The following SORBS2 variants were observed in gnomAD, a reference collection of about 807,000 sequenced individuals.
The protein encoded by SORBS2 is sorbin and SH3 domain containing 2, also known as sorbin and SH3 domain-containing protein 2.
In SORBS2, 46 loss-of-function variants were observed where a neutral mutation model predicts 97.7. The observed-to-expected ratio is 0.47, with a 90% CI of 0.37 to 0.60. SORBS2 has a LOEUF of 0.60. SORBS2 is among the 20% of genes least tolerant of loss of function. The pLI is 0.00. For missense variants in SORBS2, 1,316 were observed against 1,282.3 expected, an observed-to-expected ratio of 1.03 and a Z score of -0.40; for synonymous variants, 476 against 473.4, an observed-to-expected ratio of 1.01 and a Z score of -0.07.
At chr4:185,868,484 C>T (rs1053885980) in intron 1 of SORBS2, among the ~76,000 whole-genome samples, 4 of 152,042 alleles carry the variant, frequency 2.6e-5, no homozygotes, top group Non-Finnish European at 4.4e-5. Context: ...AAAGACACCC[C>T]AGCTCCTAAA....
chr4:185,803,247 C>T (rs998946278), intron 1 of SORBS2, among the ~76,000 whole-genome samples: 1 of 152,100 alleles, frequency 6.6e-6, no homozygotes, highest in South Asian at 2.1e-4. Flanking sequence ...CAGAACATTC[C>T]CCAGGAAACA....
upstream of SORBS2, among the ~76,000 whole-genome samples, chr4:185,660,369 T>C (rs2097496976): frequency 6.6e-6 from 1 of 152,202 alleles, no homozygotes; most frequent in Non-Finnish European, 1.5e-5. Flanking sequence ...TTAAACAATC[T>C]AGATATAATG....
At position 185,762,674 on chromosome 4, in the gene SORBS2, C is replaced by A. The variant is rs142958899; in HGVS notation, c.-198+12553G>T. On this transcript the variant is annotated intron_variant, in intron 2 of 20. Transcript: ENST00000284776. ...TTGTCTCCACATTTGTTTCCAATAC[C>A]GCTTTATGTTAATTATGTAATATCT... Among the ~76,000 whole-genome samples the A allele has an allele frequency of 3.2e-3, 487 of 152,236 alleles. 3 individuals carry two copies. Among genetic ancestry groups the A allele is most frequent in the African/African-American group, 0.01 (436 of 41,538 alleles).
At chr4:185,934,849 A>G (rs1437517084) in intron 1 of SORBS2, among the ~76,000 whole-genome samples, 1 of 151,978 alleles carries the variant, frequency 6.6e-6, no homozygotes, top group Non-Finnish European at 1.5e-5. Flanking sequence ...CAGATACTCA[A>G]GACGGGGTCT....
At chr4:185,797,692 G>C (rs2099111615) in intron 1 of SORBS2, among the ~76,000 whole-genome samples, 1 of 152,176 alleles carries the variant, frequency 6.6e-6, no homozygotes, top group Admixed American at 6.5e-5. Context: ...CCAGGAGCCT[G>C]TTCCCCAAGA....
At chr4:185,661,495 T>G (rs908035989), upstream of SORBS2, among the ~76,000 whole-genome samples, 1 of 152,108 alleles carries the variant, frequency 6.6e-6, no homozygotes, top group East Asian at 1.9e-4. Context: ...GAATTCCTAG[T>G]CCTCAGAGGG....
chr4:185,857,740 T>C (rs901118773), intron 1 of SORBS2, among the ~76,000 whole-genome samples: 12 of 152,174 alleles, frequency 7.9e-5, no homozygotes, highest in Admixed American at 6.5e-4. Flanking sequence ...GTGTCTGTCT[T>C]ATACGGTTGA....
intron 12 of SORBS2, among the ~76,000 whole-genome samples, chr4:185,595,433 G>T (rs1166348125): frequency 4.6e-5 from 7 of 151,790 alleles, no homozygotes; most frequent in Non-Finnish European, 7.4e-5. Flanking sequence ...CATCTTAAAG[G>T]TCATTTAATT....
chr4:185,856,327 C>T (rs533294913), intron 1 of SORBS2, among the ~76,000 whole-genome samples: 1 of 152,178 alleles, frequency 6.6e-6, no homozygotes, highest in East Asian at 1.9e-4. Flanking sequence ...TTAGGTAAAA[C>T]CCCAAGAATA....
At chr4:185,934,210 A>G (rs6552938) in intron 1 of SORBS2, among the ~76,000 whole-genome samples, 116,762 of 152,074 alleles carry the variant, frequency 0.77, 44,901 homozygotes, top group Middle Eastern at 0.86. Context: ...ATAACAATCT[A>G]GAGGACAAGA....
At chr4:185,812,927 T>C (rs1362632221) in intron 1 of SORBS2, 2 of 152,242 alleles carry the variant, frequency 1.3e-5, no homozygotes, top group African/African-American at 2.4e-5. Flanking sequence ...TAATTAAAAA[T>C]TCTTTGACTT....
chr4:185,731,832 TTCTCTCTCTCTCTCTCTC>T (rs1201714307), intron 2 of SORBS2, among the ~76,000 whole-genome samples: 1 of 33,294 alleles, frequency 3.0e-5, no homozygotes, highest in African/African-American at 1.2e-4. Flanking sequence ...GTCTCTCTCT[TTCTCTCTCTCTCTCTCTC>T]TCTCTCTCTC....
intron 12 of SORBS2, among the ~76,000 whole-genome samples, chr4:185,595,751 T>G (rs2096069580): frequency 6.7e-6 from 1 of 149,152 alleles, no homozygotes; most frequent in Non-Finnish European, 1.5e-5. Flanking sequence ...GTTTTGAAGT[T>G]AGAATTGGTC....
At chr4:185,731,866 C>A (rs36128838) in intron 2 of SORBS2, among the ~76,000 whole-genome samples, 302 of 24,432 alleles carry the variant, frequency 0.012, 2 homozygotes, top group Non-Finnish European at 0.014. Context: ...CTCTCTCTCT[C>A]TATATATATA....
intron 1 of SORBS2, among the ~76,000 whole-genome samples, chr4:185,894,641 G>C (rs1331375962): frequency 6.6e-6 from 1 of 152,136 alleles, no homozygotes; most frequent in Non-Finnish European, 1.5e-5. Flanking sequence ...TTGCTGCACT[G>C]TCAGAATCAA....
At chr4:185,651,762 C>A (rs751747560) in intron 2 of SORBS2, 22 bp downstream of exon 11, 1 of 1,391,870 alleles carries the variant, frequency 7.2e-7, no homozygotes, top group Non-Finnish European at 1.0e-6. Flanking sequence ...ATAGTCATTG[C>A]GAGCAAGGAA....
chr4:185,632,614 T>C (rs1219703634), intron 4 of SORBS2, among the ~76,000 whole-genome samples: 1 of 152,220 alleles, frequency 6.6e-6, no homozygotes, highest in Non-Finnish European at 1.5e-5. Context: ...TCTGTGCAGA[T>C]CACGGCTTTC....
At chr4:185,789,426 T>C (rs987879087) in intron 1 of SORBS2, among the ~76,000 whole-genome samples, 2 of 151,962 alleles carry the variant, frequency 1.3e-5, no homozygotes, top group South Asian at 4.2e-4. Flanking sequence ...GTCATAACAA[T>C]TTTATTATTT....
intron 9 of SORBS2, among the ~76,000 whole-genome samples, chr4:185,617,178 A>G (rs976886658): frequency 4.6e-5 from 7 of 152,264 alleles, no homozygotes; most frequent in African/African-American, 1.7e-4. Context: ...TTTACAAAGA[A>G]GAAATGAAAC....
Sources: allele counts gnomAD v4.1 joint callset (sites outside exome capture counted in the v4.1 genomes callset), GRCh38; gene constraint gnomAD v4.1.1; transcripts MANE v1.5; gene names NCBI Gene and HGNC (gene_info 2026-07-23, HGNC 2026-07-21).